Variants in ENG observed in about 807,000 individuals in gnomAD.
ENG encodes the protein endoglin.
Under a neutral mutation model 71.0 loss-of-function variants are expected in ENG, and 17 were observed. That is an observed-to-expected ratio of 0.24 (90% CI 0.16 to 0.36). The LOEUF (loss-of-function observed/expected upper bound fraction) is 0.36. Among genes scored for constraint, ENG ranks in the 10% least tolerant of loss-of-function variants. The pLI is 1.00. For synonymous variants in ENG, 360 were observed against 366.9 expected (o/e 0.98, Z 0.21); for missense variants, 749 against 868.3 (o/e 0.86, Z 1.73).
chr9:127,837,424 T>G (rs537368036), intron 2 of ENG, among the ~76,000 whole-genome samples: 1 of 152,078 alleles, frequency 6.6e-6, no homozygotes, highest in African/African-American at 2.4e-5. Flanking sequence ...TGGAGAGATA[T>G]GCTTCTTCCT....
chr9:127,829,528 C>T (rs781029368), intron 3 of ENG, among the ~76,000 whole-genome samples, 159 bp downstream of exon 3: 1 of 152,054 alleles, frequency 6.6e-6, no homozygotes, highest in African/African-American at 2.4e-5. Context: ...CTGGTAGAGA[C>T]CATTGGCTTC....
At chr9:127,852,376 C>T (rs1005343240) in intron 1 of ENG, among the ~76,000 whole-genome samples, 2 of 152,148 alleles carry the variant, frequency 1.3e-5, no homozygotes, top group African/African-American at 4.8e-5. Context: ...CGACCCCTAC[C>T]CCCAGCTGGC....
intron 2 of ENG, among the ~76,000 whole-genome samples, chr9:127,841,601 G>C (rs910150523): frequency 6.6e-6 from 1 of 152,218 alleles, no homozygotes; most frequent in South Asian, 2.1e-4. Context: ...GGGCGGTGGG[G>C]AGCAGGGTCC....
At chr9:127,831,640 C>T (rs1830768504) in intron 2 of ENG, among the ~76,000 whole-genome samples, 1 of 151,534 alleles carries the variant, frequency 6.6e-6, no homozygotes, top group African/African-American at 2.4e-5. Context: ...CTGCCTCGGC[C>T]TCCCAAAGTG....
At chr9:127,817,030 T>G in intron 13 of ENG, 119 bp downstream of exon 13, 1 of 1,217,538 alleles carries the variant, frequency 8.2e-7, no homozygotes, top group South Asian at 1.3e-5. Context: ...CTGGGCCGCT[T>G]TCTCTGGGGT....
chr9:127,848,331 C>T (rs1831220438), intron 1 of ENG, among the ~76,000 whole-genome samples: 1 of 151,932 alleles, frequency 6.6e-6, no homozygotes, highest in African/African-American at 2.4e-5. Flanking sequence ...GCTCTGTTTC[C>T]CAGGCTGGAG....
intron 13 of ENG, 141 bp from the exon 14 acceptor site, chr9:127,816,194 C>G (rs1830310515): frequency 2.8e-6 from 3 of 1,072,710 alleles, no homozygotes; most frequent in South Asian, 1.4e-5. Context: ...TCTCCTCTTG[C>G]AGCAAACGGG....
rs767008006 is a variant in ENG at position 127,816,065 on chromosome 9, C to T, written c.1742-12G>A. 3.7e-6 allele frequency: 6 copies of T among 1,606,640 alleles called. No homozygotes were observed. The highest frequency in any genetic ancestry group is 5.1e-6 in the Non-Finnish European group (6 of 1,177,934). ...TTTGCTTGTGCAACCTAGAGAGGGCCGACGCCATCAGCACTGCCACTCTGC... is the reference window on the plus strand; with the variant it reads ...TTTGCTTGTGCAACCTAGAGAGGGCTGACGCCATCAGCACTGCCACTCTGC... On this transcript the variant is annotated splice_polypyrimidine_tract_variant and intron_variant, in intron 13 of 14. Coordinates refer to ENST00000373203, the MANE Select transcript of ENG (RefSeq NM_001114753.3).
At chr9:127,818,616 C>T (rs1164792248) in intron 11 of ENG, 100 bp downstream of exon 11, 2 of 1,446,796 alleles carry the variant, frequency 1.4e-6, no homozygotes, top group Admixed American at 1.7e-5. Flanking sequence ...TCCCTCCTGA[C>T]TCTGGGAGTC....
intron 8 of ENG, among the ~76,000 whole-genome samples, chr9:127,821,880 TAAAAAAA>T (rs34166162): frequency 7.5e-5 from 4 of 53,052 alleles, no homozygotes; most frequent in Non-Finnish European, 1.4e-4. Context: ...GAGACTGTCT[TAAAAAAA>T]AAAAAAAAAA....
At position 127,817,413 on chromosome 9, in the gene ENG, T is replaced by G. The variant is rs183003166; in HGVS notation, c.1687-210A>C. ...GATCCCTGGCTGCTGCTGAAATGTTTCCTGTGAGTTCCTGGAGGCCTTGAT... is the reference window on the plus strand; with the variant it reads ...GATCCCTGGCTGCTGCTGAAATGTTGCCTGTGAGTTCCTGGAGGCCTTGAT... On this transcript the variant is annotated intron_variant, in intron 12 of 14. Coordinates refer to ENST00000373203, the MANE Select transcript of ENG (RefSeq NM_001114753.3). 1.6e-5 allele frequency: 10 copies of G among 625,448 alleles called. No individual in the cohort carries two copies. In the African/African-American group the frequency reaches 1.8e-4, roughly 11 times the overall value. The allele number at this position is 625,448 out of a possible 1,614,324, so 38.7% of individuals were successfully genotyped here.
At chr9:127,844,479 AG>A (rs1337451440) in intron 1 of ENG, among the ~76,000 whole-genome samples, 1 of 134,906 alleles carries the variant, frequency 7.4e-6, no homozygotes, top group Non-Finnish European at 1.6e-5. Flanking sequence ...GCTGGAGTGC[AG>A]TGGCAAAATC....
chr9:127,817,100 T>C (rs757378071), intron 13 of ENG, 49 bp downstream of exon 13: 6 of 1,607,270 alleles, frequency 3.7e-6, no homozygotes, highest in Non-Finnish European at 5.1e-6. Context: ...TGTGCCCTAC[T>C]GTGACCTCAG....
In ENG at chr9:127,817,183, G is replaced by A; in HGVS notation, c.1707C>T (p.Phe569=). 1 of 1,614,228 alleles carries A rather than the reference G, an allele frequency of 6.2e-7. No individual in the cohort carries two copies. ...CAGGGCTGATGATGTTCAAGCGCAT[G>A]AAGACAGTCCTATGGACTTCCTGGA... is the stretch of plus-strand genomic sequence containing the variant. The part of the protein sequence containing the change: ...SQDQEVHRTV[F]MRLNIISPDL... The change falls in exon 13 of 15, where the codon TTC becomes TTT. Residue 569 remains phenylalanine (F), a synonymous_variant. Transcript: ENST00000373203.
chr9:127,816,431 C>T (rs1830318216), intron 13 of ENG: 1 of 374,586 alleles, frequency 2.7e-6, no homozygotes, highest in Non-Finnish European at 5.1e-6. Context: ...AGGCCTTTAG[C>T]AGGTAGAGAA....
intron 2 of ENG, among the ~76,000 whole-genome samples, chr9:127,837,886 TC>T (rs1417445448): frequency 3.3e-5 from 5 of 151,916 alleles, no homozygotes; most frequent in Non-Finnish European, 5.9e-5. Flanking sequence ...GCAGGCACAA[TC>T]CCTGCTCAGC....
intron 1 of ENG, among the ~76,000 whole-genome samples, chr9:127,853,855 C>T (rs982902486): frequency 4.6e-5 from 7 of 152,214 alleles, no homozygotes; most frequent in Non-Finnish European, 1.0e-4. Context: ...CAGGATCACA[C>T]CACAAGGAAG....
chr9:127,847,739 C>G (rs1054910912), intron 1 of ENG, among the ~76,000 whole-genome samples: 1 of 152,142 alleles, frequency 6.6e-6, no homozygotes, highest in Non-Finnish European at 1.5e-5. Context: ...AAGGGTCCTT[C>G]TTGCTGCAAT....
At chr9:127,826,827 C>A (rs901769875) in intron 3 of ENG, among the ~76,000 whole-genome samples, 155 bp from the exon 4 acceptor site, 1 of 152,024 alleles carries the variant, frequency 6.6e-6, no homozygotes, top group Non-Finnish European at 1.5e-5. Flanking sequence ...GCAGTCAGCC[C>A]GGAGCCCCCT....
Sources: allele counts gnomAD v4.1 joint callset (sites outside exome capture counted in the v4.1 genomes callset), GRCh38; gene constraint gnomAD v4.1.1; transcripts MANE v1.5; gene names NCBI Gene and HGNC (gene_info 2026-07-23, HGNC 2026-07-21).